Variants in HECW2 observed in about 807,000 individuals in gnomAD.
HECW2 encodes the protein HECT, C2 and WW domain containing E3 ubiquitin protein ligase 2.
HECW2 carries 61 observed loss-of-function variants against 175.2 expected under a neutral mutation model. The ratio of observed to expected loss-of-function variants is 0.35; its 90% CI spans 0.28 to 0.43. The LOEUF (loss-of-function observed/expected upper bound fraction) is 0.43, where lower values mean the gene tolerates loss of function less well. Ranked by LOEUF, HECW2 falls within the 20% of genes least tolerant of loss-of-function variation. The pLI is 1.00. For missense variants in HECW2, 1,524 were observed against 2,000.5 expected (o/e 0.76, Z 4.54); for synonymous variants, 671 against 731.0 (o/e 0.92, Z 1.32).
intron 1 of HECW2, among the ~76,000 whole-genome samples, chr2:196,582,058 T>C (rs1690805239): frequency 7.1e-6 from 1 of 140,640 alleles, no homozygotes; most frequent in Admixed American, 6.8e-5. Context: ...ATAGTGAGAC[T>C]CCATCTCGAA....
chr2:196,202,877 T>G (rs2105759215), intron 28 of HECW2, among the ~76,000 whole-genome samples: 1 of 152,298 alleles, frequency 6.6e-6, no homozygotes, highest in East Asian at 1.9e-4. Flanking sequence ...TATAATGAGA[T>G]ATCTTGGGGA....
At chr2:196,390,368 T>C (rs1694469671) in intron 2 of HECW2, among the ~76,000 whole-genome samples, 1 of 152,198 alleles carries the variant, frequency 6.6e-6, no homozygotes, top group Non-Finnish European at 1.5e-5. Context: ...ATAGTTTAAT[T>C]ATCAGAAGGA....
At chr2:196,435,299 A>C (rs922351030) in intron 1 of HECW2, among the ~76,000 whole-genome samples, 1 of 152,228 alleles carries the variant, frequency 6.6e-6, no homozygotes, top group Non-Finnish European at 1.5e-5. Context: ...TCTCCAATCT[A>C]TGAAGCTTAA....
chr2:196,451,188 C>A (rs1205902857), intron 1 of HECW2, among the ~76,000 whole-genome samples: 1 of 152,086 alleles, frequency 6.6e-6, no homozygotes. Context: ...GTAATCCCAG[C>A]ACTTTGGGAG....
At chr2:196,310,516 T>A (rs1032976625) in intron 10 of HECW2, among the ~76,000 whole-genome samples, 1 of 152,222 alleles carries the variant, frequency 6.6e-6, no homozygotes, top group Non-Finnish European at 1.5e-5. Context: ...CTCTGTTGTA[T>A]CTATCAAAGT....
intron 1 of HECW2, among the ~76,000 whole-genome samples, chr2:196,457,765 G>A (rs2125319435): frequency 6.6e-6 from 1 of 152,042 alleles, no homozygotes; most frequent in Admixed American, 6.6e-5. Context: ...GTATAACCAG[G>A]TCTTTCACTT....
chr2:196,476,220 G>C (rs1186679558), intron 1 of HECW2, among the ~76,000 whole-genome samples: 1 of 151,996 alleles, frequency 6.6e-6, no homozygotes, highest in Non-Finnish European at 1.5e-5. Flanking sequence ...TAGGTGGGCA[G>C]ATCACCTGAG....
chr2:196,253,904 C>G lies in HECW2; in HGVS notation c.3529+16G>C. 1 of 1,609,340 alleles carries G rather than the reference C, an allele frequency of 6.2e-7. No homozygotes were observed. Among genetic ancestry groups the G allele is most frequent in the Non-Finnish European group, 8.5e-7 (1 of 1,175,872 alleles). The stretch of plus-strand genomic sequence containing the variant: ...CACTCCTCAGAGAATTCACTGTGAG[C>G]AGCAGGTGGACTCACCTGGCGAGTT... On this transcript the variant is annotated intron_variant, in intron 19 of 28. Coordinates refer to ENST00000644978, the MANE Select transcript of HECW2 (RefSeq NM_001348768.2).
At chr2:196,212,758 G>A (rs1184554752) in intron 28 of HECW2, among the ~76,000 whole-genome samples, 1 of 152,150 alleles carries the variant, frequency 6.6e-6, no homozygotes, top group East Asian at 1.9e-4. Context: ...TTAGATCTTT[G>A]AGGAGTTGCC....
At chr2:196,460,873 C>A (rs1248066035) in intron 1 of HECW2, among the ~76,000 whole-genome samples, 4 of 149,246 alleles carry the variant, frequency 2.7e-5, no homozygotes, top group African/African-American at 9.8e-5. Context: ...GATCCTCCTA[C>A]CTCGGACTCC....
chr2:196,430,510 A>T (rs1442467792), intron 2 of HECW2, among the ~76,000 whole-genome samples: 1 of 152,224 alleles, frequency 6.6e-6, no homozygotes, highest in African/African-American at 2.4e-5. Context: ...AAGTAGCTAT[A>T]TTCAATTCAG....
intron 2 of HECW2, among the ~76,000 whole-genome samples, chr2:196,380,874 T>C (rs1485859775): frequency 1.3e-5 from 2 of 152,212 alleles, no homozygotes; most frequent in African/African-American, 4.8e-5. Context: ...GTTCAACCTG[T>C]TTCTTGAATA....
At chr2:196,565,930 T>C (rs186779514) in intron 1 of HECW2, among the ~76,000 whole-genome samples, 15 of 152,296 alleles carry the variant, frequency 9.8e-5, no homozygotes, top group Admixed American at 7.2e-4. Flanking sequence ...ATTTCCACTT[T>C]TGTATATGTT....
intron 21 of HECW2, among the ~76,000 whole-genome samples, chr2:196,230,064 A>G (rs922786972): frequency 6.6e-6 from 1 of 152,254 alleles, no homozygotes; most frequent in African/African-American, 2.4e-5. Context: ...TCCCAGAGCC[A>G]AAGAGGCTGT....
chr2:196,274,183 T>C, intron 15 of HECW2, 60 bp from the exon 16 acceptor site: 1 of 1,244,350 alleles, frequency 8.0e-7, no homozygotes, highest in South Asian at 1.2e-5. Flanking sequence ...TATATCAGCA[T>C]CCCAAACCAA....
At position 196,437,496 on chromosome 2, in the gene HECW2, C is replaced by T. The variant is rs369531014; in HGVS notation, c.-35-4038G>A. The stretch of plus-strand genomic sequence containing the variant: ...GCATGGTGGAACATGCCTGTAATCC[C>T]AGCTACTCAGGAGGCTGAGGCACGA... On this transcript the variant is annotated intron_variant, in intron 1 of 28. Transcript: ENST00000644978. 9.1e-4 allele frequency among the ~76,000 whole-genome samples: 138 copies of T among 151,572 alleles called. 2 individuals carry two copies. In the Middle Eastern group the frequency reaches 0.024, roughly 26 times the overall value.
At chr2:196,416,795 T>TA (rs1327188627) in intron 2 of HECW2, among the ~76,000 whole-genome samples, 2 of 152,228 alleles carry the variant, frequency 1.3e-5, no homozygotes, top group Non-Finnish European at 2.9e-5. Flanking sequence ...TGTTTTCTTA[T>TA]AAAAACAGCC....
intron 26 of HECW2, 63 bp from the exon 27 acceptor site, chr2:196,217,156 C>T (rs935131812): frequency 3.0e-5 from 36 of 1,188,558 alleles, no homozygotes; most frequent in Middle Eastern, 1.9e-4. Context: ...CACCAAGATA[C>T]GTGACACGAA....
intron 1 of HECW2, among the ~76,000 whole-genome samples, chr2:196,434,847 C>CT (rs1330170293): frequency 1.3e-5 from 2 of 152,244 alleles, no homozygotes; most frequent in Non-Finnish European, 2.9e-5. Flanking sequence ...TCAACACCCA[C>CT]TGCATGAGTT....
Sources: allele counts gnomAD v4.1 joint callset (sites outside exome capture counted in the v4.1 genomes callset), GRCh38; gene constraint gnomAD v4.1.1; transcripts MANE v1.5; gene names NCBI Gene and HGNC (gene_info 2026-07-23, HGNC 2026-07-21).